MACROD2: variants seen among roughly 807,000 people sequenced by gnomAD.
MACROD2 encodes ADP-ribose glycohydrolase MACROD2.
MACROD2 carries 36 observed loss-of-function variants against 70.4 expected under a neutral mutation model. The observed-to-expected ratio is 0.51, with a 90% CI of 0.39 to 0.68. MACROD2 has a LOEUF of 0.68. Among genes scored for constraint, MACROD2 ranks in the 30% least tolerant of loss-of-function variants. The probability of loss-of-function intolerance (pLI) is 0.00; values close to 1 mark genes in which losing one functional copy is unlikely to be tolerated. For synonymous variants in MACROD2, 172 were observed against 178.8 expected, an observed-to-expected ratio of 0.96 and a Z score of 0.30; for missense variants, 496 against 538.4, an observed-to-expected ratio of 0.92 and a Z score of 0.78.
At chr20:14,064,764 G>A (rs1051767981) in intron 2 of MACROD2, among the ~76,000 whole-genome samples, 1 of 152,180 alleles carries the variant, frequency 6.6e-6, no homozygotes, top group African/African-American at 2.4e-5. Flanking sequence ...GTGGGCAGCA[G>A]CTGTAGTTTT....
At chr20:14,007,087 C>T (rs1376257738) in intron 2 of MACROD2, among the ~76,000 whole-genome samples, 2 of 152,118 alleles carry the variant, frequency 1.3e-5, no homozygotes, top group Non-Finnish European at 2.9e-5. Flanking sequence ...ATGGTTTTAG[C>T]AGCCATTCGT....
intron 4 of MACROD2, among the ~76,000 whole-genome samples, chr20:14,642,183 G>A (rs1443616666): frequency 6.6e-6 from 1 of 152,166 alleles, no homozygotes; most frequent in African/African-American, 2.4e-5. Flanking sequence ...ACCAACCTCT[G>A]CTAGCTTCCA....
At chr20:14,263,115 A>G (rs1013108006) in intron 3 of MACROD2, among the ~76,000 whole-genome samples, 1 of 152,178 alleles carries the variant, frequency 6.6e-6, no homozygotes, top group Non-Finnish European at 1.5e-5. Flanking sequence ...ACTTTTCGTT[A>G]GGAATGCACC....
intron 5 of MACROD2, among the ~76,000 whole-genome samples, chr20:15,006,475 G>A (rs2075038622): frequency 6.6e-6 from 1 of 151,940 alleles, no homozygotes; most frequent in South Asian, 2.1e-4. Flanking sequence ...AATTTGCTAA[G>A]CGAGTATAAC....
chr20:15,688,494 T>G (rs1030110234), intron 8 of MACROD2, among the ~76,000 whole-genome samples: 1 of 152,176 alleles, frequency 6.6e-6, no homozygotes, highest in African/African-American at 2.4e-5. Flanking sequence ...CTTTGAGATG[T>G]TTAGGAAAAA....
chr20:15,078,873 T>C (rs1428981682), intron 5 of MACROD2, among the ~76,000 whole-genome samples: 1 of 152,138 alleles, frequency 6.6e-6, no homozygotes, highest in Non-Finnish European at 1.5e-5. Context: ...CACAGACTCC[T>C]GACCTCAGGT....
In MACROD2 at chr20:14,834,553, G is replaced by T. The variant is rs1600709892; in HGVS notation, c.418+149594G>T. 2.0e-5 allele frequency among the ~76,000 whole-genome samples: 3 copies of T among 152,086 alleles called. No individual in the cohort carries two copies. In the South Asian group the frequency reaches 6.2e-4, roughly 32 times the overall value. On this transcript the variant is annotated intron_variant, in intron 5 of 17. Transcript: ENST00000684519. The stretch of plus-strand genomic sequence containing the variant: ...CATTAAGTGTATGATGGCAATCACA[G>T]ATTTAAGGCTTCATTCTATATATTT...
At chr20:14,830,779 C>T (rs2072955435) in intron 5 of MACROD2, among the ~76,000 whole-genome samples, 1 of 152,156 alleles carries the variant, frequency 6.6e-6, no homozygotes, top group African/African-American at 2.4e-5. Flanking sequence ...AGTTTGTACT[C>T]AGGCACTTGA....
chr20:15,414,552 T>C (rs1396905828), intron 6 of MACROD2, among the ~76,000 whole-genome samples: 4 of 152,216 alleles, frequency 2.6e-5, no homozygotes, highest in Admixed American at 6.5e-5. Context: ...GAAGGACGCA[T>C]GTGCTTATCA....
intron 5 of MACROD2, among the ~76,000 whole-genome samples, chr20:15,190,588 T>G (rs1430922324): frequency 1.3e-5 from 2 of 152,226 alleles, no homozygotes; most frequent in Non-Finnish European, 2.9e-5. Flanking sequence ...TCAGGTATTA[T>G]GAGGCCAACA....
At chr20:14,496,034 T>G (rs766905611) in intron 4 of MACROD2, among the ~76,000 whole-genome samples, 1 of 152,136 alleles carries the variant, frequency 6.6e-6, no homozygotes, top group Non-Finnish European at 1.5e-5. Context: ...AAAATTAAAT[T>G]TAAGGAATAT....
intron 15 of MACROD2, among the ~76,000 whole-genome samples, chr20:16,027,943 G>A (rs542446762): frequency 1.3e-5 from 2 of 152,270 alleles, no homozygotes; most frequent in East Asian, 3.9e-4. Flanking sequence ...CTGGAGGGGT[G>A]GAGAATGCAT....
At chr20:14,716,715 C>T (rs1052363497) in intron 5 of MACROD2, among the ~76,000 whole-genome samples, 1 of 151,932 alleles carries the variant, frequency 6.6e-6, no homozygotes, top group African/African-American at 2.4e-5. Context: ...TGGCTTAACA[C>T]GTGAAGTGGG....
chr20:15,685,887 G>T (rs182988344), intron 8 of MACROD2, among the ~76,000 whole-genome samples: 1 of 152,314 alleles, frequency 6.6e-6, no homozygotes, highest in Non-Finnish European at 1.5e-5. Context: ...TATTGAAATG[G>T]ACTGTTTAGG....
intron 4 of MACROD2, among the ~76,000 whole-genome samples, chr20:14,499,084 C>T (rs6079464): frequency 0.14 from 21,421 of 152,086 alleles, 1,795 homozygotes; most frequent in East Asian, 0.37. Context: ...GGGGAGGGGC[C>T]CCAGCCATGG....
intron 6 of MACROD2, among the ~76,000 whole-genome samples, chr20:15,266,529 A>T (rs2077296160): frequency 6.6e-6 from 1 of 152,214 alleles, no homozygotes; most frequent in African/African-American, 2.4e-5. Context: ...TATAATCAGG[A>T]TCCTCAGCAG....
At chr20:14,104,034 TACAC>T (rs1238552981) in intron 3 of MACROD2, among the ~76,000 whole-genome samples, 1 of 152,050 alleles carries the variant, frequency 6.6e-6, no homozygotes, top group African/African-American at 2.4e-5. Context: ...TATATCTACA[TACAC>T]ACACACGCAC....
At chr20:15,217,656 T>C (rs2076822498) in intron 5 of MACROD2, among the ~76,000 whole-genome samples, 1 of 152,186 alleles carries the variant, frequency 6.6e-6, no homozygotes. Flanking sequence ...CATTTTCTCA[T>C]ATCATCTCAA....
At chr20:14,394,757 A>G (rs931125156) in intron 3 of MACROD2, among the ~76,000 whole-genome samples, 10 of 152,262 alleles carry the variant, frequency 6.6e-5, no homozygotes, top group South Asian at 4.1e-4. Context: ...AAATGTGCCT[A>G]TTATTCCAAG....
Sources: allele counts gnomAD v4.1 joint callset (sites outside exome capture counted in the v4.1 genomes callset), GRCh38; gene constraint gnomAD v4.1.1; transcripts MANE v1.5; gene names NCBI Gene and HGNC (gene_info 2026-07-23, HGNC 2026-07-21).